CREBRF: variants seen among roughly 807,000 people sequenced by gnomAD.
CREBRF encodes CREB3 regulatory factor.
CREBRF carries 5 observed loss-of-function variants against 66.1 expected under a neutral mutation model. The ratio of observed to expected loss-of-function variants is 0.08; its 90% CI spans 0.04 to 0.16. The LOEUF is 0.16. CREBRF is among the 10% of genes least tolerant of loss of function. The pLI, the probability that CREBRF is intolerant of heterozygous loss-of-function variation, is 1.00. For missense variants in CREBRF, 531 were observed against 744.9 expected (o/e 0.71, Z 3.34); for synonymous variants, 229 against 264.4 (o/e 0.87, Z 1.30).
intron 1 of CREBRF, among the ~76,000 whole-genome samples, chr5:173,064,909 A>G (rs542064511): frequency 2.9e-4 from 44 of 151,404 alleles, no homozygotes; most frequent in African/African-American, 9.9e-4. Flanking sequence ...GAGTTTTACT[A>G]TGTTTCCCAG....
intron 2 of CREBRF, among the ~76,000 whole-genome samples, chr5:173,084,664 C>G (rs1758076605): frequency 6.6e-6 from 1 of 152,082 alleles, no homozygotes; most frequent in South Asian, 2.1e-4. Context: ...ATTTTTGAGA[C>G]AGAGTCTCAC....
At chr5:173,119,122 T>A (rs1759077291) in intron 7 of CREBRF, among the ~76,000 whole-genome samples, 1 of 152,186 alleles carries the variant, frequency 6.6e-6, no homozygotes, top group Non-Finnish European at 1.5e-5. Context: ...GACCTCCAAT[T>A]TTGCTCTTTT....
intron 3 of CREBRF, among the ~76,000 whole-genome samples, chr5:173,087,525 G>A (rs548735429): frequency 1.3e-5 from 2 of 150,840 alleles, no homozygotes; most frequent in Non-Finnish European, 1.5e-5. Flanking sequence ...GTGAAATTCC[G>A]TCTCTGCTAA....
At chr5:173,092,391 C>G in intron 4 of CREBRF, 1 of 985,340 alleles carries the variant, frequency 1.0e-6, no homozygotes, top group African/African-American at 1.7e-5. Context: ...AAAATGAAAT[C>G]TCTGGGGGAA....
intron 1 of CREBRF, among the ~76,000 whole-genome samples, chr5:173,074,950 G>A (rs1757716291): frequency 1.3e-5 from 2 of 152,138 alleles, no homozygotes. Context: ...CTCTCCGAAT[G>A]TGAGGATAAA....
At chr5:173,078,591 C>T (rs1452616713) in intron 1 of CREBRF, among the ~76,000 whole-genome samples, 1 of 148,582 alleles carries the variant, frequency 6.7e-6, no homozygotes, top group Non-Finnish European at 1.5e-5. Flanking sequence ...CGGGGTCTTG[C>T]TCTGTGGCCC....
chr5:173,112,464 C>G, intron 7 of CREBRF, 85 bp downstream of exon 7: 1 of 968,660 alleles, frequency 1.0e-6, no homozygotes, highest in Non-Finnish European at 1.6e-6. Context: ...GATTTGCTTT[C>G]GCTGTATTCT....
At chr5:173,131,004 G>A (rs907073402) in intron 8 of CREBRF, among the ~76,000 whole-genome samples, 4 of 152,160 alleles carry the variant, frequency 2.6e-5, no homozygotes, top group Admixed American at 6.5e-5. Context: ...AGCTCACGTG[G>A]CCAGCAGCAA....
In CREBRF at chr5:173,106,694, A is replaced by G. The variant is rs146880045; in HGVS notation, c.1223-1930A>G. On this transcript the variant is annotated intron_variant, in intron 4 of 8. Transcript: ENST00000296953. ...TTGACAAATCATGTAATCACCACTA[A>G]TACCAAATAGTTTGATCACCCCCGA... 5.1e-4 allele frequency among the ~76,000 whole-genome samples: 78 copies of G among 152,094 alleles called. 2 individuals are homozygous for G. The East Asian group carries it at 0.014, about 28-fold the overall frequency.
chr5:173,089,196 A>C lies in CREBRF; in HGVS notation c.136-1119A>C, dbSNP rs534133038. ...CATCTCAAAAAAAAAAAAAACAAAAAAAAAAACCCATACACAGACAACACA... is the reference window on the plus strand; with the variant it reads ...CATCTCAAAAAAAAAAAAAACAAAACAAAAAACCCATACACAGACAACACA... On this transcript the variant is annotated intron_variant, in intron 3 of 8. Coordinates refer to ENST00000296953, the MANE Select transcript of CREBRF (RefSeq NM_153607.3). Among the ~76,000 whole-genome samples the C allele has an allele frequency of 1.5e-3, 224 of 149,946 alleles. 2 individuals are homozygous for C. The highest frequency in any genetic ancestry group is 2.9e-3 in the Non-Finnish European group (196 of 67,560).
intron 2 of CREBRF, among the ~76,000 whole-genome samples, chr5:173,082,041 TCTCA>T (rs1256433717): frequency 6.3e-5 from 8 of 127,514 alleles, no homozygotes; most frequent in African/African-American, 2.5e-4. Flanking sequence ...TGAGCTGGAG[TCTCA>T]CTCTGTTGCC....
chr5:173,065,594 A>G (rs1406747854), intron 1 of CREBRF, among the ~76,000 whole-genome samples: 1 of 70,752 alleles, frequency 1.4e-5, no homozygotes, highest in Admixed American at 1.4e-4. Context: ...TTCACCTCCC[A>G]CCCTCCCTCC....
chr5:173,110,281 A>G (rs1412156243), intron 5 of CREBRF: 3 of 586,328 alleles, frequency 5.1e-6, no homozygotes, highest in Non-Finnish European at 9.5e-6. Flanking sequence ...AGGGTAGGGA[A>G]GAACTTGGAA....
chr5:173,059,265 C>CTTTTTTTT (rs60946984), intron 1 of CREBRF, among the ~76,000 whole-genome samples: 3 of 65,582 alleles, frequency 4.6e-5, no homozygotes, highest in Non-Finnish European at 1.2e-4. Flanking sequence ...TCTTTTTTTT[C>CTTTTTTTT]TTTTTTTTTT....
rs372226933 is a variant in CREBRF, at chr5:173,110,504, C to A, written c.1418-18C>A. 3.1e-6 allele frequency: 5 copies of A among 1,593,836 alleles called. No individual in the cohort carries two copies. Among genetic ancestry groups the A allele is most frequent in the Non-Finnish European group, 4.3e-6 (5 of 1,161,660 alleles). On this transcript the variant is annotated intron_variant, in intron 5 of 8. Transcript: ENST00000296953. ...AATTAAAGTGATCTGACTTAAACTT[C>A]TTTTAAACTGTTTATAGGAAAATAT...
intron 1 of CREBRF, among the ~76,000 whole-genome samples, chr5:173,077,829 G>T (rs188504045): frequency 1.2e-3 from 186 of 152,144 alleles, no homozygotes; most frequent in Non-Finnish European, 2.0e-3. Flanking sequence ...TATAATATTT[G>T]TCCTTTTGTG....
intron 4 of CREBRF, among the ~76,000 whole-genome samples, chr5:173,107,051 C>T (rs1758767201): frequency 6.6e-6 from 1 of 152,168 alleles, no homozygotes; most frequent in African/African-American, 2.4e-5. Context: ...CACCCGGCCC[C>T]TTATATTCTT....
chr5:173,121,476 C>G (rs1030177247), intron 7 of CREBRF, among the ~76,000 whole-genome samples: 4 of 152,102 alleles, frequency 2.6e-5, no homozygotes, highest in African/African-American at 9.7e-5. Context: ...GCACCTGCCA[C>G]CACGCCCAAC....
intron 7 of CREBRF, among the ~76,000 whole-genome samples, chr5:173,112,936 A>G (rs1467882690): frequency 6.6e-6 from 1 of 152,202 alleles, no homozygotes; most frequent in Non-Finnish European, 1.5e-5. Flanking sequence ...GATCTTCTGA[A>G]TTAGATTGTG....
Sources: gnomAD v4.1 joint callset for allele counts (sites outside exome capture counted in the v4.1 genomes callset) on GRCh38, gnomAD v4.1.1 for gene constraint, MANE v1.5 for transcripts, NCBI Gene and HGNC (gene_info 2026-07-23, HGNC 2026-07-21) for gene names.